The following MAF variants were observed in gnomAD, a reference collection of about 807,000 sequenced individuals.
MAF encodes transcription factor Maf.
In MAF, 10 loss-of-function variants were observed where a neutral mutation model predicts 22.0. The ratio of observed to expected loss-of-function variants is 0.45; its 90% CI spans 0.28 to 0.77. The LOEUF is 0.77. MAF is among the 30% of genes least tolerant of loss of function. The probability of loss-of-function intolerance (pLI) is 0.12; values close to 1 mark genes in which losing one functional copy is unlikely to be tolerated. For synonymous variants in MAF, 337 were observed against 255.8 expected (o/e 1.32, Z -3.03); for missense variants, 544 against 548.4 (o/e 0.99, Z 0.08).
the MAF span, among the ~76,000 whole-genome samples, chr16:79,342,234 C>G: frequency 6.6e-6 from 1 of 152,202 alleles, no homozygotes. Context: ...CACCACACAG[C>G]CTGCTTCACT....
the MAF span, among the ~76,000 whole-genome samples, chr16:79,373,359 C>CTT: frequency 3.2e-3 from 105 of 33,326 alleles, 39 homozygotes; most frequent in Non-Finnish European, 4.6e-3. Context: ...GGACTGGTAG[C>CTT]TTTTTTTTTT....
chr16:79,344,063 C>G, the MAF span, among the ~76,000 whole-genome samples: 2 of 152,186 alleles, frequency 1.3e-5, no homozygotes, highest in African/African-American at 4.8e-5. Flanking sequence ...TGAGCATGAC[C>G]TTGAGGAGGC....
At chr16:79,598,265 A>T (rs1385053594) in intron 1 of MAF, 15 of 718,832 alleles carry the variant, frequency 2.1e-5, no homozygotes, top group East Asian at 8.1e-5. Context: ...AAGTAAAATT[A>T]AAAAAAAAAA....
chr16:79,400,715 G>A, the MAF span, among the ~76,000 whole-genome samples: 1 of 152,248 alleles, frequency 6.6e-6, no homozygotes, highest in Admixed American at 6.5e-5. Context: ...TGCCTGCAAG[G>A]CGATTTGATA....
At chr16:79,423,835 T>C in the MAF span, among the ~76,000 whole-genome samples, 1 of 152,188 alleles carries the variant, frequency 6.6e-6, no homozygotes, top group Non-Finnish European at 1.5e-5. Context: ...CCTTTCTATT[T>C]TGTGATTCAT....
chr16:79,498,123 G>A, the MAF span, among the ~76,000 whole-genome samples: 1 of 152,230 alleles, frequency 6.6e-6, no homozygotes. Context: ...CATTAAACCT[G>A]AGGTGTGGTC....
At chr16:79,241,044 C>T in the MAF span, among the ~76,000 whole-genome samples, 1 of 152,084 alleles carries the variant, frequency 6.6e-6, no homozygotes, top group Non-Finnish European at 1.5e-5. Flanking sequence ...ATGTCACCAA[C>T]ATCAAAGACC....
chr16:79,312,083 C>T, the MAF span, among the ~76,000 whole-genome samples: 1 of 151,860 alleles, frequency 6.6e-6, no homozygotes, highest in Non-Finnish European at 1.5e-5. Flanking sequence ...TGCCTCCTTC[C>T]CTCCTTTCTT....
chr16:79,245,510 C>T, the MAF span, among the ~76,000 whole-genome samples: 1 of 151,980 alleles, frequency 6.6e-6, no homozygotes, highest in South Asian at 2.1e-4. Context: ...CAATGAGATA[C>T]CATCTCACAC....
chr16:79,533,800 A>G, the MAF span, among the ~76,000 whole-genome samples: 24 of 152,244 alleles, frequency 1.6e-4, no homozygotes, highest in African/African-American at 4.6e-4. Flanking sequence ...GGATGTGGAG[A>G]GATGAATTTT....
the MAF span, among the ~76,000 whole-genome samples, chr16:79,287,823 A>C: frequency 6.6e-6 from 1 of 151,908 alleles, no homozygotes; most frequent in African/African-American, 2.4e-5. Flanking sequence ...TCATTTATTC[A>C]TCACCTTGGG....
At chr16:79,339,348 C>T in the MAF span, among the ~76,000 whole-genome samples, 4 of 152,174 alleles carry the variant, frequency 2.6e-5, no homozygotes, top group African/African-American at 7.2e-5. Context: ...CGTGAGCCAC[C>T]GCACCCGGCC....
At chr16:79,588,188 T>C (rs1912971697) in intron 1 of MAF, among the ~76,000 whole-genome samples, 1 of 152,146 alleles carries the variant, frequency 6.6e-6, no homozygotes, top group Non-Finnish European at 1.5e-5. Context: ...TGCAGTAAAT[T>C]TACATGGGGA....
the MAF span, among the ~76,000 whole-genome samples, chr16:79,490,813 T>A: frequency 2.0e-5 from 3 of 152,178 alleles, no homozygotes; most frequent in Non-Finnish European, 4.4e-5. Context: ...ATTCTGCTAT[T>A]TCTAACTGTC....
chr16:79,449,235 G>T, the MAF span, among the ~76,000 whole-genome samples: 2 of 152,182 alleles, frequency 1.3e-5, no homozygotes, highest in Non-Finnish European at 2.9e-5. Context: ...TACACATGAA[G>T]CTTCATTCAC....
At chr16:79,365,831 G>A in the MAF span, among the ~76,000 whole-genome samples, 10 of 152,288 alleles carry the variant, frequency 6.6e-5, no homozygotes, top group South Asian at 4.1e-4. Context: ...TATTCAACAT[G>A]CACTGCTTCC....
the MAF span, among the ~76,000 whole-genome samples, chr16:79,374,711 A>T: frequency 1.3e-5 from 2 of 152,240 alleles, no homozygotes; most frequent in African/African-American, 4.8e-5. Flanking sequence ...GACGGCTCTC[A>T]TAGAGAAATG....
At chr16:79,299,643 C>T in the MAF span, among the ~76,000 whole-genome samples, 445 of 152,208 alleles carry the variant, frequency 2.9e-3, 6 homozygotes, top group African/African-American at 0.01. Context: ...CCCTGGAGGG[C>T]CCCTGAGACC....
the MAF span, among the ~76,000 whole-genome samples, chr16:79,215,805 C>A: frequency 6.6e-6 from 1 of 152,184 alleles, no homozygotes; most frequent in African/African-American, 2.4e-5. Flanking sequence ...GAATTTACAT[C>A]TTGGGTCTGT....
Sources: gnomAD v4.1 joint callset for allele counts (sites outside exome capture counted in the v4.1 genomes callset) on GRCh38, gnomAD v4.1.1 for gene constraint, MANE v1.5 for transcripts, NCBI Gene and HGNC (gene_info 2026-07-23, HGNC 2026-07-21) for gene names.